The following SPATA16 variants were observed in gnomAD, a reference collection of about 807,000 sequenced individuals.
The protein encoded by SPATA16 is spermatogenesis associated 16, also known as spermatogenesis-associated protein 16.
In SPATA16, 36 loss-of-function variants were observed where a neutral mutation model predicts 63.3. The ratio of observed to expected loss-of-function variants is 0.57; its 90% CI spans 0.44 to 0.75. The LOEUF (loss-of-function observed/expected upper bound fraction) is 0.75. Ranked by LOEUF, SPATA16 falls within the 30% of genes least tolerant of loss-of-function variation. SPATA16 has a pLI of 0.00. For missense variants in SPATA16, 646 were observed against 679.3 expected, an observed-to-expected ratio of 0.95 and a Z score of 0.54; for synonymous variants, 203 against 216.7, an observed-to-expected ratio of 0.94 and a Z score of 0.56.
At chr3:173,137,511 A>G (rs1738578539) in intron 1 of SPATA16, among the ~76,000 whole-genome samples, 1 of 152,148 alleles carries the variant, frequency 6.6e-6, no homozygotes, top group Non-Finnish European at 1.5e-5. Flanking sequence ...AGGAAAAGAA[A>G]TGGCAGCTGC....
chr3:172,916,373 C>A lies in SPATA16; in HGVS notation c.1447G>T (p.Ala483Ser). ...EQSQVINQAM[A>S]ELATIPYLQD... ...AGGTAGGGAATGGTTGCTAGCTCTG[C>A]CATTGCTTGATTAATCACCTGGGAC... Residue 483 changes from alanine (A) to serine (S), a missense_variant, in exon 9 of 11, where the codon GCA (alanine) becomes TCA (serine). By Grantham distance (99) the Ala-to-Ser change is moderately conservative (BLOSUM62 1). Transcript: ENST00000351008. The A allele has an allele frequency of 6.2e-7, 1 of 1,613,800 alleles. No individual in the cohort carries two copies. The highest frequency in any genetic ancestry group is 8.5e-7 in the Non-Finnish European group (1 of 1,179,770).
intron 3 of SPATA16, among the ~76,000 whole-genome samples, chr3:173,028,013 CCCTTCCTTCTTTCCTTCCTTCCTT>C (rs1214752254): frequency 5.7e-5 from 2 of 35,038 alleles, no homozygotes; most frequent in African/African-American, 4.2e-4. Context: ...CTCCCTCCCT[CCCTTCCTTCTTTCCTTCCTTCCTT>C]CCTTCCTTCC....
At chr3:173,119,567 T>C (rs2108338865) in intron 1 of SPATA16, among the ~76,000 whole-genome samples, 1 of 152,370 alleles carries the variant, frequency 6.6e-6, no homozygotes, top group South Asian at 2.1e-4. Context: ...ATCTTGTATA[T>C]TAATTTGTAA....
intron 1 of SPATA16, among the ~76,000 whole-genome samples, chr3:173,126,438 G>T (rs1470613865): frequency 6.6e-6 from 1 of 152,182 alleles, no homozygotes; most frequent in East Asian, 1.9e-4. Flanking sequence ...CCAAATTCAT[G>T]AGCATCTTAA....
chr3:173,006,948 C>T (rs1166394968), intron 4 of SPATA16, among the ~76,000 whole-genome samples: 1 of 152,068 alleles, frequency 6.6e-6, no homozygotes, highest in Non-Finnish European at 1.5e-5. Flanking sequence ...AATTCTTGTT[C>T]AAAAATGAAT....
At chr3:173,131,348 T>A (rs1482955204) in intron 1 of SPATA16, among the ~76,000 whole-genome samples, 1 of 152,174 alleles carries the variant, frequency 6.6e-6, no homozygotes, top group Non-Finnish European at 1.5e-5. Context: ...ACCAAATCAT[T>A]TGTTTCAATA....
At chr3:173,089,078 T>C (rs1229664647) in intron 2 of SPATA16, among the ~76,000 whole-genome samples, 1 of 152,144 alleles carries the variant, frequency 6.6e-6, no homozygotes, top group Non-Finnish European at 1.5e-5. Flanking sequence ...AGATGTGTAG[T>C]TGGACCAGGT....
At chr3:172,895,142 C>T (rs542335458) in intron 10 of SPATA16, among the ~76,000 whole-genome samples, 12 of 152,196 alleles carry the variant, frequency 7.9e-5, no homozygotes, top group East Asian at 1.9e-4. Context: ...ACCCAGTGTC[C>T]GTCAATGGTA....
chr3:173,137,012 G>A (rs1738564101), intron 1 of SPATA16, among the ~76,000 whole-genome samples: 1 of 152,238 alleles, frequency 6.6e-6, no homozygotes, highest in Non-Finnish European at 1.5e-5. Flanking sequence ...TGTATTTGAT[G>A]AGAAAGTTTA....
intron 5 of SPATA16, among the ~76,000 whole-genome samples, chr3:172,961,179 T>G (rs1481135587): frequency 2.0e-5 from 3 of 151,742 alleles, no homozygotes; most frequent in Non-Finnish European, 2.9e-5. Context: ...AACTATGTGC[T>G]TGGTGAAAGT....
chr3:173,068,293 GAT>G, intron 2 of SPATA16, among the ~76,000 whole-genome samples: 1 of 152,256 alleles, frequency 6.6e-6, no homozygotes, highest in East Asian at 1.9e-4. Flanking sequence ...CTACTATTTA[GAT>G]ATAGACAGTA....
chr3:172,896,464 G>A (rs1002014512), intron 10 of SPATA16, among the ~76,000 whole-genome samples: 3 of 152,040 alleles, frequency 2.0e-5, no homozygotes, highest in Admixed American at 1.3e-4. Context: ...TTCGTGATCC[G>A]CCTGCCTTGG....
rs187424407 is a variant in SPATA16 at position 173,112,758 on chromosome 3, G to T, written c.612+4362C>A. On this transcript the variant is annotated intron_variant, in intron 2 of 10. Transcript: ENST00000351008. ...AAGATTAGCACCTCAAGGGGCTGCT[G>T]CATGATGAAATCAGAGGAATTGAAA... Among the ~76,000 whole-genome samples the T allele has an allele frequency of 2.3e-3, 349 of 152,304 alleles. 1 individual carries two copies. Among genetic ancestry groups the T allele is most frequent in the African/African-American group, 8.1e-3 (338 of 41,566 alleles).
chr3:172,977,197 G>A, intron 4 of SPATA16, 145 bp from the exon 5 acceptor site: 6 of 718,160 alleles, frequency 8.4e-6, no homozygotes, highest in Non-Finnish European at 1.4e-5. Flanking sequence ...AAAACACAAA[G>A]CACATTTTAG....
At chr3:173,106,639 G>C (rs1737628508) in intron 2 of SPATA16, among the ~76,000 whole-genome samples, 1 of 152,108 alleles carries the variant, frequency 6.6e-6, no homozygotes, top group South Asian at 2.1e-4. Flanking sequence ...TCCTGGTTTA[G>C]ATCCTCCAGA....
intron 10 of SPATA16, among the ~76,000 whole-genome samples, chr3:172,896,410 A>G (rs1732009610): frequency 6.6e-6 from 1 of 151,994 alleles, no homozygotes; most frequent in Non-Finnish European, 1.5e-5. Context: ...TTTAGTAGAG[A>G]TAGAGTTTCA....
chr3:172,997,674 C>T lies in SPATA16; in HGVS notation c.849-20622G>A, dbSNP rs114649873. Among the ~76,000 whole-genome samples the T allele has an allele frequency of 9.6e-3, 1,465 of 152,122 alleles. 11 individuals are homozygous for T. The highest frequency in any genetic ancestry group is 0.015 in the Non-Finnish European group (1,044 of 67,942). On this transcript the variant is annotated intron_variant, in intron 4 of 10. Transcript: ENST00000351008. The stretch of plus-strand genomic sequence containing the variant: ...GACTTCAGTGTTGTATCTAAAAAGT[C>T]ATTATTATACCCAAGATTTTGTCCT...
In SPATA16 at chr3:173,042,835, T is replaced by A. The variant is rs577054651; in HGVS notation, c.758+6114A>T. On this transcript the variant is annotated intron_variant, in intron 3 of 10. Transcript: ENST00000351008. Reference sequence around the variant, plus strand: ...ATTTGGAGGGGTTTTCTAGGTGTCTTAGTCTTAAATTGATTTCTAATTTAA... The same window carrying A: ...ATTTGGAGGGGTTTTCTAGGTGTCTAAGTCTTAAATTGATTTCTAATTTAA... Among the ~76,000 whole-genome samples, 30 of 152,296 alleles carry A rather than the reference T, an allele frequency of 2.0e-4. 1 individual carries two copies. In the South Asian group the frequency reaches 4.4e-3, roughly 22 times the overall value.
intron 10 of SPATA16, among the ~76,000 whole-genome samples, chr3:172,900,529 A>C (rs894040790): frequency 1.3e-5 from 2 of 151,968 alleles, no homozygotes; most frequent in African/African-American, 4.8e-5. Context: ...TTACTCTGAA[A>C]CTCTGATGTC....
Sources: allele counts gnomAD v4.1 joint callset (sites outside exome capture counted in the v4.1 genomes callset), GRCh38; gene constraint gnomAD v4.1.1; transcripts MANE v1.5; gene names NCBI Gene and HGNC (gene_info 2026-07-23, HGNC 2026-07-21).